The following PAQR8 variants were observed in gnomAD, a reference collection of about 807,000 sequenced individuals.
PAQR8 encodes the protein progestin and adipoQ receptor family member 8, also known as membrane progestin receptor beta.
PAQR8 carries 17 observed loss-of-function variants against 25.2 expected under a neutral mutation model. That is an observed-to-expected ratio of 0.67 (90% CI 0.46 to 1.01). The LOEUF (loss-of-function observed/expected upper bound fraction) is 1.01, where lower values mean the gene tolerates loss of function less well. Ranked by LOEUF, PAQR8 falls within the 50% of genes least tolerant of loss-of-function variation. The pLI is 0.00. For synonymous variants in PAQR8, 204 were observed against 190.6 expected, an observed-to-expected ratio of 1.07 and a Z score of -0.58; for missense variants, 392 against 448.4, an observed-to-expected ratio of 0.87 and a Z score of 1.14.
At chr6:52,394,057 G>A (rs1438934251) in intron 1 of PAQR8, among the ~76,000 whole-genome samples, 1 of 152,174 alleles carries the variant, frequency 6.6e-6, no homozygotes, top group East Asian at 1.9e-4. Context: ...AGGGGACCAG[G>A]AAGGCCTCCT....
At chr6:52,364,290 T>C (rs1389332768) in intron 1 of PAQR8, among the ~76,000 whole-genome samples, 1 of 152,150 alleles carries the variant, frequency 6.6e-6, no homozygotes, top group African/African-American at 2.4e-5. Flanking sequence ...GAAAGCGATT[T>C]ATTCATTTTA....
At chr6:52,392,274 G>A (rs1048067072) in intron 1 of PAQR8, among the ~76,000 whole-genome samples, 12 of 151,878 alleles carry the variant, frequency 7.9e-5, no homozygotes, top group African/African-American at 2.9e-4. Flanking sequence ...AACCCAGGAG[G>A]CGGAGGTTAC....
chr6:52,407,249 A>G lies in PAQR8; in HGVS notation c.*2971A>G, dbSNP rs1763921853. 1 of 167,074 alleles carries G rather than the reference A, an allele frequency of 6.0e-6. No homozygotes were observed. Among genetic ancestry groups the G allele is most frequent in the South Asian group, 2.1e-4 (1 of 4,836 alleles). 10.3% of individuals were successfully genotyped at this position (167,074 alleles called of 1,614,324 possible). ...TCATTTACATCCTCTCATGAATGAA[A>G]TGCAGTGTAGGGAGAGGAGATGGCA... is the stretch of plus-strand genomic sequence containing the variant. On this transcript the variant is annotated 3_prime_UTR_variant, in exon 2 of 2. Coordinates refer to ENST00000442253, the MANE Select transcript of PAQR8 (RefSeq NM_133367.5).
intron 1 of PAQR8, among the ~76,000 whole-genome samples, chr6:52,392,480 G>A (rs1763721707): frequency 6.6e-6 from 1 of 152,274 alleles, no homozygotes; most frequent in Non-Finnish European, 1.5e-5. Flanking sequence ...CCTTGTAATA[G>A]GTCAGGAAAC....
chr6:52,399,719 A>T (rs1300115629), intron 1 of PAQR8, among the ~76,000 whole-genome samples: 1 of 152,138 alleles, frequency 6.6e-6, no homozygotes, highest in South Asian at 2.1e-4. Context: ...TCCCAGCCAT[A>T]AAATCAGACT....
At chr6:52,380,192 T>A (rs1423380950) in intron 1 of PAQR8, among the ~76,000 whole-genome samples, 3 of 152,210 alleles carry the variant, frequency 2.0e-5, no homozygotes, top group African/African-American at 7.2e-5. Context: ...AAATGCGGTA[T>A]TAAATCAATA....
At position 52,378,984 on chromosome 6, in the gene PAQR8, C is replaced by A. The variant is rs1419004365; in HGVS notation, c.-53+16735C>A. On this transcript the variant is annotated intron_variant, in intron 1 of 1. Coordinates refer to ENST00000442253, the MANE Select transcript of PAQR8 (RefSeq NM_133367.5). ...TGGTGGTGGGCGCCTGTAGTCCCAG[C>A]TACTCGGGAAGCTGAGACAGGAGAA... 2.7e-5 allele frequency among the ~76,000 whole-genome samples: 4 copies of A among 150,624 alleles called. No homozygotes were observed. In the East Asian group the frequency reaches 7.8e-4, roughly 29 times the overall value.
At position 52,407,434 on chromosome 6, in the gene PAQR8, A is replaced by G. The variant is rs1026032703; in HGVS notation, c.*3156A>G. 6.0e-6 allele frequency: 1 copy of G among 167,078 alleles called. No homozygotes were observed. The highest frequency in any genetic ancestry group is 1.5e-5 in the Non-Finnish European group (1 of 68,104). The allele number at this position is 167,078 out of a possible 1,614,324, so 10.3% of individuals were successfully genotyped here. On this transcript the variant is annotated 3_prime_UTR_variant, in exon 2 of 2. Coordinates refer to ENST00000442253, the MANE Select transcript of PAQR8 (RefSeq NM_133367.5). ...ACAACAATATTCTCAAGAGTCTTCT[A>G]CTGGAAGCTAGAAAGAAATAGGAAT... is the stretch of plus-strand genomic sequence containing the variant.
chr6:52,404,674 A>G lies in PAQR8; in HGVS notation c.*396A>G, dbSNP rs1763886877. On this transcript the variant is annotated 3_prime_UTR_variant, in exon 2 of 2. Transcript: ENST00000442253. ...AGGTGGCTGGTCCTCACCCTGTTGG[A>G]ATGGCTATCCTACTATGCTGTTCTT... The G allele has an allele frequency of 5.2e-6, 1 of 192,956 alleles. No individual in the cohort carries two copies. Among genetic ancestry groups the G allele is most frequent in the Non-Finnish European group, 1.2e-5 (1 of 82,464 alleles). 12.0% of individuals were successfully genotyped at this position (192,956 alleles called of 1,614,324 possible). A position where few individuals can be genotyped will look rare whatever the true frequency, so the allele number is the denominator to read the frequency against.
At chr6:52,378,900 C>G (rs1481120545) in intron 1 of PAQR8, among the ~76,000 whole-genome samples, 5 of 151,672 alleles carry the variant, frequency 3.3e-5, no homozygotes. Context: ...AGTTCGAGAC[C>G]AGCCTAACTG....
At chr6:52,368,400 A>C (rs1763378961) in intron 1 of PAQR8, among the ~76,000 whole-genome samples, 1 of 152,178 alleles carries the variant, frequency 6.6e-6, no homozygotes, top group Non-Finnish European at 1.5e-5. Context: ...CAAGGTGAGT[A>C]GCACCTGGGT....
intron 1 of PAQR8, among the ~76,000 whole-genome samples, chr6:52,367,964 C>A (rs1385672006): frequency 6.6e-6 from 1 of 152,152 alleles, no homozygotes; most frequent in Non-Finnish European, 1.5e-5. Flanking sequence ...TATGGTGATT[C>A]ATGCCTGTAA....
intron 1 of PAQR8, among the ~76,000 whole-genome samples, chr6:52,374,170 C>G (rs1201195871): frequency 6.6e-6 from 1 of 152,218 alleles, no homozygotes; most frequent in African/African-American, 2.4e-5. Context: ...GTACAGCCTG[C>G]AGAACCGTGG....
chr6:52,381,268 C>CT (rs1432181866), intron 1 of PAQR8, among the ~76,000 whole-genome samples: 1 of 152,236 alleles, frequency 6.6e-6, no homozygotes, highest in African/African-American at 2.4e-5. Flanking sequence ...GATTCTCTCT[C>CT]TAAGTCCTTT....
intron 1 of PAQR8, chr6:52,373,661 G>T (rs1430120183): frequency 6.6e-6 from 1 of 152,156 alleles, no homozygotes; most frequent in African/African-American, 2.4e-5. Context: ...CCTCTCCAGA[G>T]ATCTGACCTG....
intron 1 of PAQR8, among the ~76,000 whole-genome samples, 170 bp from the exon 2 acceptor site, chr6:52,402,992 G>T (rs1008210518): frequency 2.0e-5 from 3 of 152,202 alleles, no homozygotes; most frequent in Admixed American, 6.5e-5. Context: ...GATCACCTGA[G>T]CCCAGGAATT....
intron 1 of PAQR8, among the ~76,000 whole-genome samples, chr6:52,396,703 G>A (rs1015564061): frequency 6.6e-6 from 1 of 152,144 alleles, no homozygotes; most frequent in Non-Finnish European, 1.5e-5. Flanking sequence ...CTAAATTAAG[G>A]GAGAGCAGTA....
intron 1 of PAQR8, among the ~76,000 whole-genome samples, chr6:52,374,939 ATAT>A (rs1257696455): frequency 5.4e-5 from 8 of 149,246 alleles, no homozygotes; most frequent in South Asian, 2.1e-4. Flanking sequence ...AATTAATATA[ATAT>A]TATATTAATA....
chr6:52,374,510 C>T (rs1763459341), intron 1 of PAQR8, among the ~76,000 whole-genome samples: 1 of 152,154 alleles, frequency 6.6e-6, no homozygotes, highest in Admixed American at 6.5e-5. Flanking sequence ...AGCACCTGGG[C>T]TCAAGTGATC....
Sources: gnomAD v4.1 joint callset for allele counts (sites outside exome capture counted in the v4.1 genomes callset) on GRCh38, gnomAD v4.1.1 for gene constraint, MANE v1.5 for transcripts, NCBI Gene and HGNC (gene_info 2026-07-23, HGNC 2026-07-21) for gene names.